The following MAD1L1 variants were observed in gnomAD, a reference collection of about 807,000 sequenced individuals.
MAD1L1 encodes the protein mitotic arrest deficient 1 like 1.
A neutral mutation model predicts 96.9 loss-of-function variants in MAD1L1; 95 were observed. The observed-to-expected ratio is 0.98, with a 90% CI of 0.83 to 1.16. The LOEUF (loss-of-function observed/expected upper bound fraction) is 1.16. Ranked by LOEUF, MAD1L1 falls within the 50% of genes most tolerant of loss-of-function variation. MAD1L1 has a pLI of 0.00. For missense variants in MAD1L1, 1,007 were observed against 954.4 expected (o/e 1.06, Z -0.73); for synonymous variants, 473 against 396.6 (o/e 1.19, Z -2.29).
At position 1,952,885 on chromosome 7, in the gene MAD1L1, C is replaced by T. The variant is rs111873866; in HGVS notation, c.1596+4744G>A. ...GCCACATGCGTTACTAAGAGTCCAG[C>T]GAGCGGGAGAGGCCAGACCTGAGGA... On this transcript the variant is annotated intron_variant, in intron 16 of 18. Transcript: ENST00000265854. 3.0e-3 allele frequency among the ~76,000 whole-genome samples: 453 copies of T among 152,326 alleles called. 1 individual carries two copies. Among genetic ancestry groups the T allele is most frequent in the African/African-American group, 9.9e-3 (410 of 41,596 alleles).
chr7:2,057,390 A>G (rs1011990107), intron 12 of MAD1L1, among the ~76,000 whole-genome samples: 1 of 152,156 alleles, frequency 6.6e-6, no homozygotes, highest in Non-Finnish European at 1.5e-5. Flanking sequence ...GGTGGTGTGC[A>G]CCTGTAGTCC....
chr7:1,943,827 C>T (rs1779109092), intron 16 of MAD1L1, among the ~76,000 whole-genome samples: 1 of 152,080 alleles, frequency 6.6e-6, no homozygotes, highest in Non-Finnish European at 1.5e-5. Context: ...GGAAACCATC[C>T]AGATGTCCAT....
At chr7:2,067,204 C>T (rs1238161336) in intron 12 of MAD1L1, among the ~76,000 whole-genome samples, 1 of 131,790 alleles carries the variant, frequency 7.6e-6, no homozygotes, top group Non-Finnish European at 1.5e-5. Flanking sequence ...CGCAGGCACC[C>T]GGGGTCATCA....
In MAD1L1 at chr7:2,146,693, C is replaced by T. The variant is rs1439435469; in HGVS notation, c.1073+2459G>A. Among the ~76,000 whole-genome samples the T allele has an allele frequency of 3.9e-5, 6 of 152,342 alleles. No homozygotes were observed. The highest frequency in any genetic ancestry group is 8.8e-5 in the Non-Finnish European group (6 of 68,024). Reference sequence around the variant, plus strand: ...ACAAAAGTGACTTTAAAATGAGGCCCGCCTGGCAAAGCCCTCGGGGATCTG... The same window carrying T: ...ACAAAAGTGACTTTAAAATGAGGCCTGCCTGGCAAAGCCCTCGGGGATCTG... On this transcript the variant is annotated intron_variant, in intron 11 of 18. Transcript: ENST00000265854. The surrounding 1 kb of genome is among the most constrained non-coding windows in gnomAD (Gnocchi z 6.2).
At chr7:1,829,219 C>T (rs1004665705) in intron 18 of MAD1L1, among the ~76,000 whole-genome samples, 1 of 152,270 alleles carries the variant, frequency 6.6e-6, no homozygotes, top group African/African-American at 2.4e-5. Flanking sequence ...CCACCCGCAT[C>T]AGCGCCAGCC....
chr7:2,164,104 G>A (rs1790302799), intron 10 of MAD1L1, among the ~76,000 whole-genome samples: 1 of 152,194 alleles, frequency 6.6e-6, no homozygotes. Flanking sequence ...GATGCATGCA[G>A]ACACCTATGT....
intron 5 of MAD1L1, among the ~76,000 whole-genome samples, chr7:2,222,332 G>A (rs1793651569): frequency 6.6e-6 from 1 of 152,110 alleles, no homozygotes; most frequent in African/African-American, 2.4e-5. Flanking sequence ...CACCCACCTC[G>A]GCCTCCCAAA....
chr7:1,835,195 C>T (rs1341630136), intron 18 of MAD1L1, among the ~76,000 whole-genome samples: 2 of 151,904 alleles, frequency 1.3e-5, no homozygotes, highest in Non-Finnish European at 2.9e-5. Context: ...CTATGAATGA[C>T]GTACAGAGAA....
intron 16 of MAD1L1, among the ~76,000 whole-genome samples, chr7:1,942,692 C>T (rs981023592): frequency 2.0e-5 from 3 of 152,150 alleles, no homozygotes; most frequent in African/African-American, 7.2e-5. Context: ...GAAGACCCGG[C>T]GCTGTCGGGA....
chr7:1,835,431 G>A (rs1174343972), intron 18 of MAD1L1, among the ~76,000 whole-genome samples: 5 of 152,184 alleles, frequency 3.3e-5, no homozygotes, highest in Admixed American at 6.5e-5. Flanking sequence ...GATATACTAA[G>A]AAGCTACTGG....
intron 11 of MAD1L1, among the ~76,000 whole-genome samples, chr7:2,086,130 G>C (rs556986122): frequency 6.6e-6 from 1 of 152,246 alleles, no homozygotes; most frequent in Non-Finnish European, 1.5e-5. Flanking sequence ...CAGCCCCAAG[G>C]AGCTCCTAAA....
intron 18 of MAD1L1, among the ~76,000 whole-genome samples, chr7:1,890,004 G>A (rs1355156171): frequency 6.6e-6 from 1 of 152,142 alleles, no homozygotes; most frequent in East Asian, 1.9e-4. Context: ...CTGGGAGGTG[G>A]AGCTGCCTCC....
intron 17 of MAD1L1, among the ~76,000 whole-genome samples, chr7:1,929,032 C>T (rs1789270387): frequency 1.3e-5 from 2 of 152,226 alleles, no homozygotes; most frequent in Non-Finnish European, 2.9e-5. Context: ...TCACTGCTCC[C>T]GTCCTCAGCC....
intron 10 of MAD1L1, among the ~76,000 whole-genome samples, chr7:2,176,505 G>A (rs1284680907): frequency 2.0e-5 from 3 of 152,066 alleles, no homozygotes; most frequent in South Asian, 4.1e-4. Flanking sequence ...AAGGTATAAA[G>A]CTCAAGAGGA....
chr7:2,123,135 C>G (rs2128562384), intron 11 of MAD1L1, among the ~76,000 whole-genome samples: 1 of 152,208 alleles, frequency 6.6e-6, no homozygotes, highest in African/African-American at 2.4e-5. Context: ...AACCCCATCT[C>G]TACTAAAAAT....
chr7:2,163,849 C>G lies in MAD1L1; in HGVS notation c.987-14611G>C, dbSNP rs1487620680. Among the ~76,000 whole-genome samples, 3 of 152,120 alleles carry G rather than the reference C, an allele frequency of 2.0e-5. No individual in the cohort carries two copies. In the East Asian group the frequency reaches 5.8e-4, roughly 29 times the overall value. ...TCTGACACAAAGCATCTCCCTCATC[C>G]ATGCCAAGAATTACTGGGAACAGAA... On this transcript the variant is annotated intron_variant, in intron 10 of 18. Coordinates refer to ENST00000265854, the MANE Select transcript of MAD1L1 (RefSeq NM_001013836.2).
At chr7:2,182,709 G>C (rs1331727277) in intron 10 of MAD1L1, among the ~76,000 whole-genome samples, 1 of 152,128 alleles carries the variant, frequency 6.6e-6, no homozygotes, top group Non-Finnish European at 1.5e-5. Flanking sequence ...CCAGCACAGA[G>C]GCCACCTATG....
intron 16 of MAD1L1, among the ~76,000 whole-genome samples, chr7:1,941,785 G>A (rs536422870): frequency 4.6e-5 from 7 of 152,346 alleles, no homozygotes; most frequent in South Asian, 2.1e-4. Flanking sequence ...CGATGGCACC[G>A]CTGACCAGGG....
At chr7:2,153,995 A>T (rs900417642) in intron 10 of MAD1L1, among the ~76,000 whole-genome samples, 4 of 152,174 alleles carry the variant, frequency 2.6e-5, no homozygotes, top group Non-Finnish European at 5.9e-5. Flanking sequence ...ATCTCTACTA[A>T]AAATACAAAA....
Sources: allele counts gnomAD v4.1 joint callset (sites outside exome capture counted in the v4.1 genomes callset), GRCh38; gene constraint gnomAD v4.1.1; non-coding constraint Gnocchi (gnomAD v3.1); transcripts MANE v1.5; gene names NCBI Gene and HGNC (gene_info 2026-07-23, HGNC 2026-07-21).